Variants in ALG6 observed in about 807,000 individuals in gnomAD.
The protein encoded by ALG6 is dolichyl pyrophosphate Man9GlcNAc2 alpha-1,3-glucosyltransferase.
Under a neutral mutation model 66.6 loss-of-function variants are expected in ALG6, and 46 were observed. The ratio of observed to expected loss-of-function variants is 0.69; its 90% confidence interval spans 0.55 to 0.88. ALG6 has a LOEUF of 0.88. Ranked by LOEUF, ALG6 falls within the 40% of genes least tolerant of loss-of-function variation. The pLI is 0.00. For missense variants in ALG6, 505 were observed against 586.8 expected, an observed-to-expected ratio of 0.86 and a Z score of 1.44; for synonymous variants, 185 against 203.7, an observed-to-expected ratio of 0.91 and a Z score of 0.78.
At chr1:63,390,668 G>C (rs1557584026) in intron 2 of ALG6, among the ~76,000 whole-genome samples, 1 of 152,122 alleles carries the variant, frequency 6.6e-6, no homozygotes, top group African/African-American at 2.4e-5. Context: ...TGGAACTCAG[G>C]TTCCTACTGC....
At chr1:63,420,046 C>G (rs1644565608) in intron 12 of ALG6, among the ~76,000 whole-genome samples, 1 of 152,152 alleles carries the variant, frequency 6.6e-6, no homozygotes, top group African/African-American at 2.4e-5. Flanking sequence ...AATCCCAACC[C>G]ACTACTGCTC....
At position 63,436,896 on chromosome 1, in the gene ALG6, C is replaced by T. The variant is rs548994709; in HGVS notation, c.1400C>T (p.Pro467Leu). 16 of 1,613,856 alleles carry T rather than the reference C, an allele frequency of 9.9e-6. No homozygotes were observed. The highest frequency in any genetic ancestry group is 1.6e-4 in the Middle Eastern group (1 of 6,062). The change falls in exon 15 of 15, where the codon CCG becomes CTG. Residue 467 changes from proline (P) to leucine (L), a missense_variant. Coordinates refer to ENST00000263440, the MANE Select transcript of ALG6 (RefSeq NM_013339.4). Reference protein sequence around the residue: ...TVTLDPPQKLPDLFSVLVCFV... With the variant: ...TVTLDPPQKLLDLFSVLVCFV... ...ACACTGGATCCTCCTCAGAAACTAC[C>T]GGACTTGTTTTCTGTATTGGTGTGT...
Position 63,436,807 on chromosome 1 carries a change from C to CT in ALG6, c.1327-9dup, listed in dbSNP as rs1236127359. 1.1e-5 allele frequency: 17 copies of CT among 1,611,892 alleles called. No homozygotes were observed. The highest frequency in any genetic ancestry group is 1.6e-4 in the Middle Eastern group (1 of 6,082). On this transcript the variant is annotated splice_polypyrimidine_tract_variant and intron_variant, in intron 14 of 14. Transcript: ENST00000263440. Reference sequence around the variant, plus strand: ...TCACCTTTTATACTACTCAGTAATCCTTTTTTTCCTTGCAGTTTCTTATCT... The same window carrying CT: ...TCACCTTTTATACTACTCAGTAATCCTTTTTTTTCCTTGCAGTTTCTTATCT...
Position 63,394,440 on chromosome 1 carries a change from C to T in ALG6, c.83-2073C>T, listed in dbSNP as rs143433084. Among the ~76,000 whole-genome samples the T allele has an allele frequency of 9.8e-3, 1,476 of 150,876 alleles. 22 individuals carry two copies. The highest frequency in any genetic ancestry group is 0.033 in the African/African-American group (1,357 of 41,158). ...TGTCGCCCAGGCTGGAGTGCAGTGG[C>T]GCAATCTCAGCTCACTGTAACCTCT... On this transcript the variant is annotated intron_variant, in intron 2 of 14. Coordinates refer to ENST00000263440, the MANE Select transcript of ALG6 (RefSeq NM_013339.4).
intron 2 of ALG6, among the ~76,000 whole-genome samples, chr1:63,379,325 T>C (rs1032398473): frequency 3.9e-5 from 6 of 152,216 alleles, no homozygotes; most frequent in Admixed American, 3.3e-4. Context: ...GTCATGTACT[T>C]GGTGTGAATT....
At chr1:63,416,158 TATTTA>T (rs1178924466) in intron 11 of ALG6, among the ~76,000 whole-genome samples, 1 of 152,240 alleles carries the variant, frequency 6.6e-6, no homozygotes, top group East Asian at 1.9e-4. Context: ...TTAATTCAAC[TATTTA>T]ATTTGTTTCG....
intron 2 of ALG6, among the ~76,000 whole-genome samples, chr1:63,382,117 G>A (rs1398767546): frequency 1.3e-5 from 2 of 150,278 alleles, no homozygotes; most frequent in African/African-American, 4.9e-5. Flanking sequence ...ATTTGTATGG[G>A]TACATAGTAG....
At chr1:63,436,229 T>A (rs1216414118) in intron 14 of ALG6, among the ~76,000 whole-genome samples, 1 of 152,186 alleles carries the variant, frequency 6.6e-6, no homozygotes, top group Non-Finnish European at 1.5e-5. Flanking sequence ...ATTTATTCAT[T>A]CATGTAATGC....
chr1:63,435,866 T>C (rs1644676002), intron 14 of ALG6, among the ~76,000 whole-genome samples: 1 of 152,210 alleles, frequency 6.6e-6, no homozygotes, highest in African/African-American at 2.4e-5. Flanking sequence ...GGAAGTTCTA[T>C]TGTATAGCAC....
At chr1:63,413,997 C>A in intron 9 of ALG6, 64 bp from the exon 10 acceptor site, 3 of 1,276,748 alleles carry the variant, frequency 2.3e-6, no homozygotes, top group Non-Finnish European at 3.4e-6. Flanking sequence ...ATGGGCTGTA[C>A]TTCATGGGTT....
chr1:63,368,683 T>C (rs1308058180), intron 1 of ALG6, among the ~76,000 whole-genome samples: 1 of 151,994 alleles, frequency 6.6e-6, no homozygotes, highest in Non-Finnish European at 1.5e-5. Flanking sequence ...GTATTTTTAG[T>C]AGAGATGGGG....
Position 63,411,221 on chromosome 1 carries a change from A to G in ALG6, c.570A>G (p.Ser190=). The G allele has an allele frequency of 1.2e-6, 2 of 1,614,008 alleles. No individual in the cohort carries two copies. Among genetic ancestry groups the G allele is most frequent in the African/African-American group, 2.7e-5 (2 of 75,060 alleles). ...GISCDCDLLG[S]LAFCLAINYK... ...CTTGTGACTGCGACCTCCTAGGGTCACTGGCATTTTGCTTAGCTATAAATT... is the reference window on the plus strand; with the variant it reads ...CTTGTGACTGCGACCTCCTAGGGTCGCTGGCATTTTGCTTAGCTATAAATT... Residue 190 remains serine, a synonymous_variant, in exon 8 of 15, where the codon TCA becomes TCG. Transcript: ENST00000263440.
chr1:63,385,401 C>T (rs918817950), intron 2 of ALG6, among the ~76,000 whole-genome samples: 16 of 151,460 alleles, frequency 1.1e-4, no homozygotes, highest in Admixed American at 5.9e-4. Flanking sequence ...TTAGTAGAAA[C>T]GGGGTTTCAC....
intron 2 of ALG6, among the ~76,000 whole-genome samples, chr1:63,371,889 C>T (rs1332512864): frequency 2.6e-5 from 4 of 151,642 alleles, no homozygotes; most frequent in Non-Finnish European, 5.9e-5. Context: ...AGGCGTGAGC[C>T]ACCGCACCCA....
chr1:63,413,018 A>G (rs1570071573), intron 9 of ALG6, among the ~76,000 whole-genome samples: 1 of 152,328 alleles, frequency 6.6e-6, no homozygotes, highest in East Asian at 1.9e-4. Flanking sequence ...GTATGTCAAC[A>G]GGATGATGGT....
At chr1:63,380,572 A>G (rs1400661744) in intron 2 of ALG6, among the ~76,000 whole-genome samples, 3 of 152,204 alleles carry the variant, frequency 2.0e-5, no homozygotes, top group Non-Finnish European at 4.4e-5. Flanking sequence ...TAATTGTGAC[A>G]CATATATTAT....
At position 63,415,910 on chromosome 1, in the gene ALG6, A is replaced by G. The variant is rs1035429423; in HGVS notation, c.940A>G (p.Ile314Val). The change falls in exon 11 of 15, where the codon ATA (isoleucine) becomes GTA (valine). Residue 314 changes from isoleucine (I) to valine (V), a missense_variant. Physicochemically the swap from Ile to Val is conservative, Grantham distance 29. Transcript: ENST00000263440. ...STFLSLLPAC[I>V]KLILQPSSKG... ...GTTTTTGAGCCTGCTTCCTGCATGC[A>G]TAAAATTAATACTTCAGCCCTCTTC... The G allele has an allele frequency of 1.2e-6, 2 of 1,612,134 alleles. No homozygotes were observed. The highest frequency in any genetic ancestry group is 1.7e-6 in the Non-Finnish European group (2 of 1,178,598).
At chr1:63,430,235 T>C (rs77596239) in intron 14 of ALG6, among the ~76,000 whole-genome samples, 6,241 of 152,284 alleles carry the variant, frequency 0.041, 456 homozygotes, top group African/African-American at 0.14. Flanking sequence ...ACTTTATTCC[T>C]TTTTATTACC....
At chr1:63,371,087 A>G in intron 2 of ALG6, 28 bp downstream of exon 2, 1 of 1,538,008 alleles carries the variant, frequency 6.5e-7, no homozygotes, top group Non-Finnish European at 9.0e-7. Context: ...GTTAAAAAAA[A>G]AACGAAATTT....
Sources: allele counts gnomAD v4.1 joint callset (sites outside exome capture counted in the v4.1 genomes callset), GRCh38; gene constraint gnomAD v4.1.1; transcripts MANE v1.5; gene names NCBI Gene and HGNC (gene_info 2026-07-23, HGNC 2026-07-21).